Variants in ERBIN observed in about 807,000 individuals in gnomAD.
ERBIN encodes erbb2 interacting protein, also known as densin-180-like protein.
Under a neutral mutation model 158.4 loss-of-function variants are expected in ERBIN, and 60 were observed. The observed-to-expected ratio is 0.38, with a 90% CI of 0.31 to 0.47. ERBIN has a LOEUF of 0.47. Among genes scored for constraint, ERBIN ranks in the 20% least tolerant of loss-of-function variants. The pLI, the probability that ERBIN is intolerant of heterozygous loss-of-function variation, is 0.99. For synonymous variants in ERBIN, 594 were observed against 557.2 expected (o/e 1.07, Z -0.93); for missense variants, 1,610 against 1,648.0 (o/e 0.98, Z 0.40).
intron 5 of ERBIN, 43 bp downstream of exon 5, chr5:66,012,170 C>T: frequency 1.5e-6 from 2 of 1,309,668 alleles, no homozygotes; most frequent in Non-Finnish European, 2.1e-6. Flanking sequence ...GTGAATAAAA[C>T]AATTATGAAA....
intron 22 of ERBIN, among the ~76,000 whole-genome samples, chr5:66,074,275 CT>C (rs1761784798): frequency 6.6e-6 from 1 of 151,912 alleles, no homozygotes; most frequent in Admixed American, 6.6e-5. Flanking sequence ...CAGGTTTATT[CT>C]CTAAAAATGA....
chr5:66,026,611 G>T (rs562310113), intron 13 of ERBIN, among the ~76,000 whole-genome samples, 194 bp downstream of exon 13: 2 of 151,948 alleles, frequency 1.3e-5, no homozygotes, highest in African/African-American at 4.8e-5. Context: ...CACTTCTTTC[G>T]TTCATCAGTG....
At chr5:65,990,918 G>A (rs1180372004) in intron 2 of ERBIN, among the ~76,000 whole-genome samples, 2 of 151,730 alleles carry the variant, frequency 1.3e-5, no homozygotes, top group African/African-American at 2.4e-5. Context: ...CCGCCACCAC[G>A]CCTGGCTAAT....
At chr5:66,006,617 T>C (rs531062509) in intron 4 of ERBIN, among the ~76,000 whole-genome samples, 12 of 152,050 alleles carry the variant, frequency 7.9e-5, no homozygotes, top group South Asian at 2.1e-4. Context: ...ACCTACAGAA[T>C]GGGAGAAAAT....
chr5:66,050,078 T>C (rs1758863890), intron 19 of ERBIN, among the ~76,000 whole-genome samples: 1 of 152,142 alleles, frequency 6.6e-6, no homozygotes, highest in South Asian at 2.1e-4. Flanking sequence ...AAATAATTTC[T>C]TGCCCAGTTG....
intron 2 of ERBIN, among the ~76,000 whole-genome samples, chr5:65,991,359 C>CT (rs1315175040): frequency 1.3e-5 from 2 of 152,072 alleles, no homozygotes; most frequent in Non-Finnish European, 1.5e-5. Context: ...TGCCTGAGTC[C>CT]TTACTAGCCT....
chr5:65,929,115 C>T (rs1286410263), intron 1 of ERBIN, among the ~76,000 whole-genome samples: 1 of 152,112 alleles, frequency 6.6e-6, no homozygotes, highest in Non-Finnish European at 1.5e-5. Context: ...GTATAAAAAG[C>T]TTACAGAGGT....
At chr5:65,944,112 G>A (rs141915036) in intron 1 of ERBIN, among the ~76,000 whole-genome samples, 6 of 152,112 alleles carry the variant, frequency 3.9e-5, no homozygotes, top group Non-Finnish European at 4.4e-5. Flanking sequence ...AACATGGGTC[G>A]ATAAATATCT....
chr5:65,935,335 C>G (rs181441488), intron 1 of ERBIN, among the ~76,000 whole-genome samples: 118 of 152,198 alleles, frequency 7.8e-4, no homozygotes, highest in South Asian at 2.5e-3. Flanking sequence ...CCAGCACCAC[C>G]AGGTTCACTC....
intron 1 of ERBIN, among the ~76,000 whole-genome samples, chr5:65,976,647 G>T (rs551344091): frequency 2.3e-4 from 35 of 151,356 alleles, no homozygotes; most frequent in South Asian, 6.3e-4. Context: ...GGTTTTCCTA[G>T]GCAGAGGACC....
chr5:65,953,088 C>T (rs549142974), intron 1 of ERBIN, among the ~76,000 whole-genome samples: 1 of 152,214 alleles, frequency 6.6e-6, no homozygotes, highest in Non-Finnish European at 1.5e-5. Flanking sequence ...AAGTTACCAT[C>T]TGGCTTCTGG....
rs968360707 is a variant in ERBIN, at chr5:65,932,294, G to A, written c.-58+5488G>A. 5.4e-5 allele frequency among the ~76,000 whole-genome samples: 8 copies of A among 148,358 alleles called. No individual in the cohort carries two copies. The Admixed American group carries it at 5.4e-4, about 10-fold the overall frequency. On this transcript the variant is annotated intron_variant, in intron 1 of 25. Coordinates refer to ENST00000284037, the MANE Select transcript of ERBIN (RefSeq NM_001253697.2). ...GTGGAGGTTGCAGTGAGCCGAGATC[G>A]CGCCACTGCATTCCAGCCTGGCGAC...
At chr5:65,986,815 T>TA (rs1409306302) in intron 1 of ERBIN, among the ~76,000 whole-genome samples, 1 of 152,082 alleles carries the variant, frequency 6.6e-6, no homozygotes. Context: ...ATAAGGGAAT[T>TA]AGTTTTCCCA....
At chr5:66,068,943 A>G (rs1761277223) in intron 21 of ERBIN, 7 of 1,535,694 alleles carry the variant, frequency 4.6e-6, no homozygotes, top group East Asian at 2.4e-5. Flanking sequence ...TGGCAGCTCT[A>G]GGGATCTGCA....
rs34947340 is a variant in ERBIN at position 65,948,010 on chromosome 5, C to CAA, written c.-58+21219_-58+21220dup. 6.3e-3 allele frequency among the ~76,000 whole-genome samples: 850 copies of CAA among 134,260 alleles called. 7 individuals carry two copies. Among genetic ancestry groups the CAA allele is most frequent in the South Asian group, 0.033 (141 of 4,214 alleles). The allele number at this position is 134,260 out of a possible 152,430, so 88.1% of individuals were successfully genotyped here. ...GGGCAACAAGAGTGAAACTGCATTT[C>CAA]AAAAAAAAAAAAAAAATCTTAAATA... On this transcript the variant is annotated intron_variant, in intron 1 of 25. Transcript: ENST00000284037.
At chr5:65,994,962 TAAATC>T (rs1752262353) in intron 4 of ERBIN, 98 bp downstream of exon 4, 1 of 736,110 alleles carries the variant, frequency 1.4e-6, no homozygotes, top group Non-Finnish European at 2.3e-6. Context: ...AAAAATAAGT[TAAATC>T]TAATGTATTA....
At chr5:65,929,126 A>G (rs1318173043) in intron 1 of ERBIN, among the ~76,000 whole-genome samples, 1 of 152,250 alleles carries the variant, frequency 6.6e-6, no homozygotes, top group African/African-American at 2.4e-5. Context: ...TTACAGAGGT[A>G]CAAACATGGA....
chr5:66,007,910 A>G (rs1370565603), intron 4 of ERBIN, among the ~76,000 whole-genome samples: 1 of 152,208 alleles, frequency 6.6e-6, no homozygotes, highest in African/African-American at 2.4e-5. Flanking sequence ...GAACCTACAA[A>G]TGTATGTGGT....
intron 1 of ERBIN, among the ~76,000 whole-genome samples, chr5:65,937,910 A>AAATAAT (rs1018591833): frequency 6.6e-6 from 1 of 151,976 alleles, no homozygotes; most frequent in Non-Finnish European, 1.5e-5. Flanking sequence ...TCCCATCTCA[A>AAATAAT]AATAATAATA....
Sources: gnomAD v4.1 joint callset for allele counts (sites outside exome capture counted in the v4.1 genomes callset) on GRCh38, gnomAD v4.1.1 for gene constraint, MANE v1.5 for transcripts, NCBI Gene and HGNC (gene_info 2026-07-23, HGNC 2026-07-21) for gene names.